QTMAN: variants seen among roughly 807,000 people sequenced by gnomAD.
QTMAN encodes tRNA-queuosine alpha-mannosyltransferase.
At chr2:143,983,721 C>T in the QTMAN span, among the ~76,000 whole-genome samples, 3 of 152,254 alleles carry the variant, frequency 2.0e-5, no homozygotes, top group African/African-American at 7.2e-5. Flanking sequence ...GATCCGCCTG[C>T]CTCGGCCTCC....
At chr2:144,049,916 T>C in the QTMAN span, among the ~76,000 whole-genome samples, 2 of 152,154 alleles carry the variant, frequency 1.3e-5, no homozygotes, top group African/African-American at 2.4e-5. Context: ...AGTAAAGATA[T>C]AGCAGGCACA....
the QTMAN span, among the ~76,000 whole-genome samples, chr2:144,290,952 G>A: frequency 6.6e-6 from 1 of 152,194 alleles, no homozygotes; most frequent in Non-Finnish European, 1.5e-5. Flanking sequence ...TAATTCTGAA[G>A]GCTGGAAGTC....
the QTMAN span, among the ~76,000 whole-genome samples, chr2:144,029,335 A>G: frequency 1.3e-5 from 2 of 152,292 alleles, no homozygotes; most frequent in South Asian, 2.1e-4. Flanking sequence ...ATGAATTTAT[A>G]TATTTTCTTA....
At chr2:144,055,563 T>A in the QTMAN span, among the ~76,000 whole-genome samples, 1 of 152,008 alleles carries the variant, frequency 6.6e-6, no homozygotes, top group Non-Finnish European at 1.5e-5. Context: ...GGTAATCGCG[T>A]GGTGCAAAGA....
the QTMAN span, among the ~76,000 whole-genome samples, chr2:144,126,558 G>A: frequency 1.3e-5 from 2 of 151,944 alleles, no homozygotes; most frequent in African/African-American, 4.8e-5. Context: ...CTCACTTAAC[G>A]GCTTCAATAG....
the QTMAN span, among the ~76,000 whole-genome samples, chr2:143,953,660 C>T: frequency 6.6e-6 from 1 of 151,818 alleles, no homozygotes; most frequent in Admixed American, 6.6e-5. Context: ...ATTGATCTGA[C>T]ATATAATCAA....
the QTMAN span, among the ~76,000 whole-genome samples, chr2:144,182,217 C>T: frequency 6.6e-6 from 1 of 152,144 alleles, no homozygotes; most frequent in Admixed American, 6.5e-5. Flanking sequence ...ACATGCAAAA[C>T]CATTTTAGTG....
chr2:144,298,095 T>G, the QTMAN span, among the ~76,000 whole-genome samples: 4 of 151,586 alleles, frequency 2.6e-5, no homozygotes, highest in Non-Finnish European at 5.9e-5. Flanking sequence ...CTCGGCTCAC[T>G]TCAAGCTGCG....
At chr2:144,234,751 T>G in the QTMAN span, among the ~76,000 whole-genome samples, 1 of 152,200 alleles carries the variant, frequency 6.6e-6, no homozygotes, top group Non-Finnish European at 1.5e-5. Context: ...CTATCTAATT[T>G]CCGGCAAAAG....
At chr2:143,981,251 T>A in the QTMAN span, among the ~76,000 whole-genome samples, 1 of 152,122 alleles carries the variant, frequency 6.6e-6, no homozygotes, top group African/African-American at 2.4e-5. Context: ...GGCTTTAGAA[T>A]GAATGAATGA....
chr2:143,962,577 C>T, the QTMAN span, among the ~76,000 whole-genome samples: 81 of 152,248 alleles, frequency 5.3e-4, no homozygotes, highest in African/African-American at 1.9e-3. Flanking sequence ...TGGATGAACT[C>T]AGTGTCAAGG....
the QTMAN span, among the ~76,000 whole-genome samples, chr2:144,077,861 T>A: frequency 6.6e-6 from 1 of 152,204 alleles, no homozygotes; most frequent in East Asian, 1.9e-4. Flanking sequence ...TTTATCTGAA[T>A]GGGAAAAAAG....
At chr2:144,230,292 G>A in the QTMAN span, 1 of 152,100 alleles carries the variant, frequency 6.6e-6, no homozygotes, top group Non-Finnish European at 1.5e-5. Context: ...TCAATCTGCA[G>A]GCTTGTCCAC....
chr2:144,292,266 T>C, the QTMAN span, among the ~76,000 whole-genome samples: 1 of 152,216 alleles, frequency 6.6e-6, no homozygotes, highest in African/African-American at 2.4e-5. Flanking sequence ...TCTGCTCCTA[T>C]GTGAGACCAC....
chr2:144,100,909 G>A, the QTMAN span, among the ~76,000 whole-genome samples: 8 of 113,392 alleles, frequency 7.1e-5, no homozygotes, highest in East Asian at 2.9e-4. Context: ...CTGCTCTGTC[G>A]CCCAGGCTGG....
chr2:143,981,188 C>T, the QTMAN span, among the ~76,000 whole-genome samples: 1 of 152,022 alleles, frequency 6.6e-6, no homozygotes, highest in African/African-American at 2.4e-5. Context: ...TCTGAAAGAC[C>T]GACACATCAG....
the QTMAN span, among the ~76,000 whole-genome samples, chr2:143,975,418 T>C: frequency 6.6e-6 from 1 of 152,222 alleles, no homozygotes; most frequent in Non-Finnish European, 1.5e-5. Flanking sequence ...ATGAATGCTA[T>C]AGTGTTCCCA....
the QTMAN span, among the ~76,000 whole-genome samples, chr2:144,255,180 C>T: frequency 3.9e-3 from 588 of 152,130 alleles, 3 homozygotes; most frequent in African/African-American, 0.014. Context: ...TTGGGAGGGG[C>T]CAGGGGCAAA....
At chr2:144,202,930 G>A in the QTMAN span, among the ~76,000 whole-genome samples, 1 of 152,170 alleles carries the variant, frequency 6.6e-6, no homozygotes, top group Non-Finnish European at 1.5e-5. Context: ...TGGTTTCACA[G>A]TGCATGCTAC....
Sources: gnomAD v4.1 joint callset for allele counts (sites outside exome capture counted in the v4.1 genomes callset) on GRCh38, gnomAD v4.1.1 for gene constraint, MANE v1.5 for transcripts, NCBI Gene and HGNC (gene_info 2026-07-23, HGNC 2026-07-21) for gene names.